Variants in WNT11 observed in about 807,000 individuals in gnomAD.
WNT11 encodes the protein Wnt family member 11, also known as protein Wnt-11.
WNT11 carries 20 observed loss-of-function variants against 35.6 expected under a neutral mutation model. The ratio of observed to expected loss-of-function variants is 0.56; its 90% CI spans 0.40 to 0.82. The LOEUF (loss-of-function observed/expected upper bound fraction) is 0.82, where lower values mean the gene tolerates loss of function less well. Among genes scored for constraint, WNT11 ranks in the 40% least tolerant of loss-of-function variants. The pLI, the probability that WNT11 is intolerant of heterozygous loss-of-function variation, is 0.00. For synonymous variants in WNT11, 200 were observed against 211.9 expected (o/e 0.94, Z 0.49); for missense variants, 459 against 504.4 (o/e 0.91, Z 0.86).
upstream of WNT11, chr11:76,210,602 A>C (rs1448005046): frequency 4.1e-6 from 4 of 985,032 alleles, no homozygotes; most frequent in African/African-American, 7.0e-5. Flanking sequence ...CCTCTTCGTG[A>C]AGCGGCGCGA....
chr11:76,192,857 C>T (rs928331073), intron 3 of WNT11, among the ~76,000 whole-genome samples: 23 of 152,356 alleles, frequency 1.5e-4, no homozygotes, highest in African/African-American at 5.0e-4. Context: ...CCCAGGCCTA[C>T]CCTCCTGCCT....
intron 1 of WNT11, among the ~76,000 whole-genome samples, chr11:76,204,094 C>A (rs528779482): frequency 1.3e-5 from 2 of 152,196 alleles, no homozygotes; most frequent in African/African-American, 4.8e-5. Context: ...CTTAGAACGG[C>A]ACCTAGCACA....
At position 76,186,789 on chromosome 11, in the gene WNT11, C is replaced by A; in HGVS notation, c.*276G>T. 1.8e-6 allele frequency: 1 copy of A among 564,278 alleles called. No homozygotes were observed. Among genetic ancestry groups the A allele is most frequent in the Non-Finnish European group, 3.4e-6 (1 of 297,940 alleles). 35.0% of individuals were successfully genotyped at this position (564,278 alleles called of 1,614,324 possible). A position where few individuals can be genotyped will look rare whatever the true frequency, so the allele number is the denominator to read the frequency against. On this transcript the variant is annotated 3_prime_UTR_variant, in exon 5 of 5. Transcript: ENST00000322563. ...TATCAGTCTCACCGATCCCAAGCCC[C>A]GCTCCTTACACCAGCCTGTGGGCAC...
upstream of WNT11, among the ~76,000 whole-genome samples, chr11:76,208,045 T>A (rs1278324008): frequency 6.6e-6 from 1 of 152,312 alleles, no homozygotes; most frequent in East Asian, 1.9e-4. Context: ...CGTTCTTATC[T>A]GGCTCTGTGA....
chr11:76,201,521 C>T (rs1015098731), intron 1 of WNT11, among the ~76,000 whole-genome samples: 2 of 151,874 alleles, frequency 1.3e-5, no homozygotes, highest in African/African-American at 2.4e-5. Context: ...GGAAACATTT[C>T]GGTTTATCTG....
At position 76,186,881 on chromosome 11, in the gene WNT11, C is replaced by T. The variant is rs1402450164; in HGVS notation, c.*184G>A. Reference sequence around the variant, plus strand: ...TTTCCTTTGATGTCCTGCCCTCCTTCCAGGGTGGCCAGACCTTCTGTTCCT... The same window carrying T: ...TTTCCTTTGATGTCCTGCCCTCCTTTCAGGGTGGCCAGACCTTCTGTTCCT... On this transcript the variant is annotated 3_prime_UTR_variant, in exon 5 of 5. Coordinates refer to ENST00000322563, the MANE Select transcript of WNT11 (RefSeq NM_004626.3). The T allele has an allele frequency of 2.3e-6, 2 of 868,314 alleles. No homozygotes were observed. The highest frequency in any genetic ancestry group is 1.4e-5 in the South Asian group (1 of 70,160). 53.8% of individuals were successfully genotyped at this position (868,314 alleles called of 1,614,324 possible).
At chr11:76,192,215 A>G (rs1201719603) in intron 3 of WNT11, among the ~76,000 whole-genome samples, 1 of 152,246 alleles carries the variant, frequency 6.6e-6, no homozygotes, top group Non-Finnish European at 1.5e-5. Flanking sequence ...CAGAGAGGCT[A>G]AGTCTCATGC....
rs748609953 is a variant in WNT11 at position 76,196,445 on chromosome 11, C to T, written c.319+38G>A. The T allele has an allele frequency of 3.3e-5, 53 of 1,604,760 alleles. No homozygotes were observed. In the Admixed American group the frequency reaches 4.5e-4, roughly 14 times the overall value. On this transcript the variant is annotated intron_variant, in intron 2 of 4. Transcript: ENST00000322563. ...AGATTGATGCCTGAATTCCTTCACC[C>T]GCACCCACATGCATTCAGCAGCCTC...
At position 76,194,924 on chromosome 11, in the gene WNT11, C is replaced by T; in HGVS notation, c.320-80G>A. 1.4e-6 allele frequency: 2 copies of T among 1,422,818 alleles called. No homozygotes were observed. The highest frequency in any genetic ancestry group is 5.0e-5 in the East Asian group (2 of 39,810). 88.1% of individuals were successfully genotyped at this position (1,422,818 alleles called of 1,614,324 possible). On this transcript the variant is annotated intron_variant, in intron 2 of 4. Transcript: ENST00000322563. This position sits in a 1 kb window ranked among gnomAD's most constrained non-coding sequence, Gnocchi z 5.4. ...CAGGTCAGAGGTCCTCCACCTTCGC[C>T]CACACCCTGCTGTAACCAAGGTGAC...
chr11:76,193,870 C>T (rs1953227621), intron 3 of WNT11, among the ~76,000 whole-genome samples: 1 of 152,176 alleles, frequency 6.6e-6, no homozygotes, highest in South Asian at 2.1e-4. Flanking sequence ...AAAAAGGGGA[C>T]AACAGGGCCT....
intron 1 of WNT11, among the ~76,000 whole-genome samples, chr11:76,201,890 G>T (rs1238441031): frequency 6.6e-6 from 1 of 152,132 alleles, no homozygotes; most frequent in African/African-American, 2.4e-5. Flanking sequence ...CGCTCTAGGG[G>T]ACCCGCCTGT....
intron 1 of WNT11, among the ~76,000 whole-genome samples, chr11:76,203,401 G>A (rs1030738074): frequency 1.3e-5 from 2 of 152,190 alleles, no homozygotes; most frequent in East Asian, 1.9e-4. Context: ...GGAAGGGGGC[G>A]GCCTTTATGG....
chr11:76,193,783 G>T (rs1953226093), intron 3 of WNT11, among the ~76,000 whole-genome samples: 1 of 152,196 alleles, frequency 6.6e-6, no homozygotes, highest in African/African-American at 2.4e-5. Flanking sequence ...GCAGGGAGGA[G>T]CTGATGAGAT....
chr11:76,189,382 C>T (rs1259952600), intron 4 of WNT11, among the ~76,000 whole-genome samples: 1 of 152,128 alleles, frequency 6.6e-6, no homozygotes. Flanking sequence ...GGATGCCTGG[C>T]TCCCAGGGTA....
chr11:76,197,636 C>A (rs1490300668), intron 1 of WNT11, among the ~76,000 whole-genome samples: 2 of 152,062 alleles, frequency 1.3e-5, no homozygotes, highest in Non-Finnish European at 2.9e-5. Flanking sequence ...AGCACAGAGC[C>A]CTTTGCTTGA....
intron 4 of WNT11, 51 bp downstream of exon 4, chr11:76,191,513 G>A: frequency 1.3e-6 from 2 of 1,573,110 alleles, no homozygotes; most frequent in South Asian, 1.2e-5. Context: ...CTGGGGAACA[G>A]TATGTGCAAC....
In WNT11 at chr11:76,186,689, C is replaced by T. The variant is rs151297166; in HGVS notation, c.*376G>A. The T allele has an allele frequency of 2.4e-4, 89 of 368,998 alleles. No homozygotes were observed. Among genetic ancestry groups the T allele is most frequent in the Admixed American group, 2.1e-4 (6 of 28,470 alleles). 22.9% of individuals were successfully genotyped at this position (368,998 alleles called of 1,614,324 possible). On this transcript the variant is annotated 3_prime_UTR_variant, in exon 5 of 5. Transcript: ENST00000322563. The stretch of plus-strand genomic sequence containing the variant: ...GACCCCAGGGTGGGCCAGGGGGTCC[C>T]GCAGAACATTCTGAAGAAGGCGGGC...
Position 76,199,199 on chromosome 11 carries a change from G to C in WNT11, c.84-2481C>G, listed in dbSNP as rs545066190. Among the ~76,000 whole-genome samples, 5 of 152,210 alleles carry C rather than the reference G, an allele frequency of 3.3e-5. No homozygotes were observed. In the South Asian group the frequency reaches 1.0e-3, roughly 32 times the overall value. On this transcript the variant is annotated intron_variant, in intron 1 of 4. Coordinates refer to ENST00000322563, the MANE Select transcript of WNT11 (RefSeq NM_004626.3). ...AATAATTACTACTTCAAAAGGCTATGATGAGGCTGGGGGTTGTTGCTCATG... is the reference window on the plus strand; with the variant it reads ...AATAATTACTACTTCAAAAGGCTATCATGAGGCTGGGGGTTGTTGCTCATG...
At chr11:76,206,276 G>T in intron 1 of WNT11, 49 bp downstream of exon 1, 2 of 1,377,142 alleles carry the variant, frequency 1.5e-6, no homozygotes, top group East Asian at 3.0e-5. Flanking sequence ...AACGCCCTCC[G>T]CCGCCCCAGT....
Sources: allele counts gnomAD v4.1 joint callset (sites outside exome capture counted in the v4.1 genomes callset), GRCh38; gene constraint gnomAD v4.1.1; non-coding constraint Gnocchi (gnomAD v3.1); transcripts MANE v1.5; gene names NCBI Gene and HGNC (gene_info 2026-07-23, HGNC 2026-07-21).